The following DTNA variants were observed in gnomAD, a reference collection of about 807,000 sequenced individuals.
DTNA encodes dystrophin-related protein 3.
DTNA carries 43 observed loss-of-function variants against 100.7 expected under a neutral mutation model. The observed-to-expected ratio is 0.43, with a 90% CI of 0.33 to 0.55. DTNA has a LOEUF of 0.55. DTNA is among the 20% of genes least tolerant of loss of function. The pLI is 0.04. For synonymous variants in DTNA, 349 were observed against 347.9 expected (o/e 1.00, Z -0.04); for missense variants, 798 against 953.9 (o/e 0.84, Z 2.15).
intron 1 of DTNA, among the ~76,000 whole-genome samples, chr18:34,739,525 G>A (rs1047409865): frequency 6.6e-6 from 1 of 152,144 alleles, no homozygotes; most frequent in Non-Finnish European, 1.5e-5. Flanking sequence ...TCCTTGAAAG[G>A]ACTTCTGTGG....
At chr18:34,555,629 A>T (rs1489367992) in intron 1 of DTNA, among the ~76,000 whole-genome samples, 1 of 151,906 alleles carries the variant, frequency 6.6e-6, no homozygotes, top group South Asian at 2.1e-4. Flanking sequence ...TCATTTCGTT[A>T]TGTATCCAGT....
At chr18:34,494,729 A>G (rs951278509) in intron 1 of DTNA, among the ~76,000 whole-genome samples, 1 of 152,124 alleles carries the variant, frequency 6.6e-6, no homozygotes, top group African/African-American at 2.4e-5. Flanking sequence ...ACCATGCTTT[A>G]CATTTATTCT....
Position 34,815,966 on chromosome 18 carries a change from T to A in DTNA, c.661T>A (p.Cys221Ser), listed in dbSNP as rs2095587811. 1 of 1,613,782 alleles carries A rather than the reference T, an allele frequency of 6.2e-7. No homozygotes were observed. Among genetic ancestry groups the A allele is most frequent in the Non-Finnish European group, 8.5e-7 (1 of 1,179,814 alleles). ...GCTTATGTCAGATCCTCCCCCGCAG[T>A]GTCTGGTCTGGTTGCCTCTTCTGCA... ...DTLMSDPPPQ[C>S]LVWLPLLHRL... Residue 221 changes from cysteine to serine, a missense_variant, in exon 7 of 23, where the codon TGT becomes AGT. Cys to Ser is a moderately radical substitution (Grantham distance 112). Around this residue, in one of 6 missense-constraint regions of DTNA, gnomAD observed 81 missense variants for 153.5 expected, o/e 0.53. Coordinates refer to ENST00000444659, the MANE Select transcript of DTNA (RefSeq NM_001386795.1).
intron 5 of DTNA, among the ~76,000 whole-genome samples, chr18:34,807,700 G>A (rs753620600): frequency 6.6e-6 from 1 of 152,046 alleles, no homozygotes; most frequent in Non-Finnish European, 1.5e-5. Flanking sequence ...AAGACAGCCA[G>A]GATTCAGAGA....
chr18:34,642,906 C>T (rs1413735142), intron 1 of DTNA, among the ~76,000 whole-genome samples: 2 of 152,152 alleles, frequency 1.3e-5, no homozygotes, highest in Non-Finnish European at 2.9e-5. Context: ...AGTGTGAAAT[C>T]TCTCTGCTTA....
At chr18:34,581,278 A>AAAAG (rs2048602380) in intron 1 of DTNA, among the ~76,000 whole-genome samples, 1 of 145,434 alleles carries the variant, frequency 6.9e-6, no homozygotes, top group Non-Finnish European at 1.5e-5. Context: ...AAAACAAAAA[A>AAAAG]ACAAAACAAA....
intron 19 of DTNA, 123 bp downstream of exon 19, chr18:34,877,931 A>G (rs2096834174): frequency 1.3e-5 from 12 of 930,242 alleles, no homozygotes; most frequent in Non-Finnish European, 2.0e-5. Flanking sequence ...TCTATGTGAT[A>G]TTTTGTTGGT....
chr18:34,722,117 A>G (rs765469849), intron 1 of DTNA, among the ~76,000 whole-genome samples: 3 of 152,190 alleles, frequency 2.0e-5, no homozygotes, highest in Non-Finnish European at 2.9e-5. Context: ...TATTAAAATA[A>G]TCCTTTGGGT....
intron 3 of DTNA, among the ~76,000 whole-genome samples, chr18:34,787,233 G>A (rs2094539892): frequency 6.6e-6 from 1 of 152,176 alleles, no homozygotes; most frequent in Admixed American, 6.5e-5. Context: ...TCAGCTGCAA[G>A]CCCTTTGAAA....
intron 1 of DTNA, among the ~76,000 whole-genome samples, chr18:34,722,660 A>T (rs2085618902): frequency 6.6e-6 from 1 of 150,500 alleles, no homozygotes; most frequent in Non-Finnish European, 1.5e-5. Context: ...GAATCAAGAT[A>T]GTGAACATAT....
chr18:34,521,567 C>G (rs151209268), intron 1 of DTNA, among the ~76,000 whole-genome samples: 3 of 152,250 alleles, frequency 2.0e-5, no homozygotes, highest in African/African-American at 7.2e-5. Context: ...TTGGACCTCC[C>G]TCTCTAGCTT....
At chr18:34,814,215 TA>T (rs2149362478) in intron 6 of DTNA, among the ~76,000 whole-genome samples, 1 of 152,312 alleles carries the variant, frequency 6.6e-6, no homozygotes, top group Non-Finnish European at 1.5e-5. Flanking sequence ...CAAGGAAATG[TA>T]ACTACCTGTT....
intron 17 of DTNA, chr18:34,866,726 C>A: frequency 1.0e-6 from 1 of 991,894 alleles, no homozygotes; most frequent in Non-Finnish European, 1.2e-6. Context: ...TACTCCATAA[C>A]TGACTATTCA....
chr18:34,640,275 TC>T (rs1352622701), intron 1 of DTNA, among the ~76,000 whole-genome samples: 1 of 152,196 alleles, frequency 6.6e-6, no homozygotes, highest in Non-Finnish European at 1.5e-5. Context: ...TGCCTGCCTG[TC>T]CCTCCTCTGA....
At chr18:34,798,697 C>T (rs1489983540) in intron 4 of DTNA, among the ~76,000 whole-genome samples, 2 of 152,098 alleles carry the variant, frequency 1.3e-5, no homozygotes, top group Non-Finnish European at 2.9e-5. Context: ...TTAAAAGGAA[C>T]AGTGATTTTC....
intron 16 of DTNA, 27 bp from the exon 17 acceptor site, chr18:34,863,939 T>C: frequency 6.3e-7 from 1 of 1,591,894 alleles, no homozygotes; most frequent in African/African-American, 1.3e-5. Context: ...TGCATGCCGC[T>C]TCTGATGTCA....
At chr18:34,639,876 T>G (rs1271779031) in intron 1 of DTNA, among the ~76,000 whole-genome samples, 1 of 152,228 alleles carries the variant, frequency 6.6e-6, no homozygotes, top group Non-Finnish European at 1.5e-5. Context: ...GCCTGGCAGA[T>G]AACAACAGCA....
chr18:34,640,458 T>C (rs929509569), intron 1 of DTNA, among the ~76,000 whole-genome samples: 4 of 152,224 alleles, frequency 2.6e-5, no homozygotes, highest in Admixed American at 6.5e-5. Context: ...TCTATTCTTA[T>C]AGGAACTGCA....
At chr18:34,733,899 G>T (rs190074355) in intron 1 of DTNA, among the ~76,000 whole-genome samples, 271 of 152,246 alleles carry the variant, frequency 1.8e-3, no homozygotes, top group South Asian at 3.3e-3. Context: ...AACTCCCTGA[G>T]CTGCAACATT....
Sources: allele counts gnomAD v4.1 joint callset (sites outside exome capture counted in the v4.1 genomes callset), GRCh38; gene constraint gnomAD v4.1.1; regional missense constraint gnomAD v4.1.1; transcripts MANE v1.5; gene names NCBI Gene and HGNC (gene_info 2026-07-23, HGNC 2026-07-21).